FAM162A: variants seen among roughly 807,000 people sequenced by gnomAD.
FAM162A encodes protein FAM162A.
A neutral mutation model predicts 21.8 loss-of-function variants in FAM162A; 23 were observed. The observed-to-expected ratio is 1.05, with a 90% confidence interval of 0.76 to 1.49. The LOEUF (loss-of-function observed/expected upper bound fraction) is 1.49, where lower values mean the gene tolerates loss of function less well. Ranked by LOEUF, FAM162A falls within the 40% of genes most tolerant of loss-of-function variation. The pLI is 0.00. For synonymous variants in FAM162A, 53 were observed against 61.3 expected (o/e 0.86, Z 0.64); for missense variants, 165 against 186.4 (o/e 0.89, Z 0.67).
intron 1 of FAM162A, among the ~76,000 whole-genome samples, chr3:122,398,851 A>G (rs2075640804): frequency 6.6e-6 from 1 of 152,218 alleles, no homozygotes; most frequent in African/African-American, 2.4e-5. Context: ...GTATTTGTGG[A>G]TGAACTAATA....
Position 122,411,279 on chromosome 3 carries a change from A to ATGTC in FAM162A, c.*1454_*1457dup, listed in dbSNP as rs1258886337. The ATGTC allele has an allele frequency of 6.6e-6, 1 of 152,208 alleles. No individual in the cohort carries two copies. The highest frequency in any genetic ancestry group is 2.4e-5 in the African/African-American group (1 of 41,454). 9.4% of individuals were successfully genotyped at this position (152,208 alleles called of 1,614,324 possible). A position where few individuals can be genotyped will look rare whatever the true frequency, so the allele number is the denominator to read the frequency against. On this transcript the variant is annotated 3_prime_UTR_variant, in exon 5 of 5. Coordinates refer to ENST00000477892, the MANE Select transcript of FAM162A (RefSeq NM_014367.4). Reference sequence around the variant, plus strand: ...GATAATCTATCTGAGGATGTTTATGATGTCTGTCTATATACTTTAATTTGG... The same window carrying ATGTC: ...GATAATCTATCTGAGGATGTTTATGATGTCTGTCTGTCTATATACTTTAATTTGG...
chr3:122,396,715 A>C (rs2075629386), intron 1 of FAM162A, among the ~76,000 whole-genome samples: 1 of 152,230 alleles, frequency 6.6e-6, no homozygotes, highest in Non-Finnish European at 1.5e-5. Context: ...ATAGCCAAAA[A>C]GTGGAAACCA....
At position 122,412,281 on chromosome 3, in the gene FAM162A, C is replaced by T. The variant is rs573231120; in HGVS notation, c.*2450C>T. 6.6e-6 allele frequency: 1 copy of T among 152,270 alleles called. No individual in the cohort carries two copies. Among genetic ancestry groups the T allele is most frequent in the East Asian group, 1.9e-4 (1 of 5,188 alleles). 9.4% of individuals were successfully genotyped at this position (152,270 alleles called of 1,614,324 possible). A position where few individuals can be genotyped will look rare whatever the true frequency, so the allele number is the denominator to read the frequency against. On this transcript the variant is annotated 3_prime_UTR_variant, in exon 5 of 5. Coordinates refer to ENST00000477892, the MANE Select transcript of FAM162A (RefSeq NM_014367.4). ...TAAAGTGGGCAGAAATCTTTTTCTA[C>T]TTTACATTTCCTGTAAGTGCTGTTT...
intron 1 of FAM162A, among the ~76,000 whole-genome samples, chr3:122,395,032 A>T (rs1367840852): frequency 6.6e-6 from 1 of 152,242 alleles, no homozygotes; most frequent in African/African-American, 2.4e-5. Flanking sequence ...TAACCACATC[A>T]GTAAACACAG....
chr3:122,396,881 G>A (rs1259607655), intron 1 of FAM162A, among the ~76,000 whole-genome samples: 1 of 152,136 alleles, frequency 6.6e-6, no homozygotes, highest in Non-Finnish European at 1.5e-5. Flanking sequence ...GCCACATGTT[G>A]TATGATTCCA....
Position 122,410,870 on chromosome 3 carries a change from G to C in FAM162A, c.*1039G>C, listed in dbSNP as rs925985493. 6.6e-6 allele frequency: 1 copy of C among 152,094 alleles called. No homozygotes were observed. The highest frequency in any genetic ancestry group is 1.5e-5 in the Non-Finnish European group (1 of 68,012). The allele number at this position is 152,094 out of a possible 1,614,324, so 9.4% of individuals were successfully genotyped here. A position where few individuals can be genotyped will look rare whatever the true frequency, so the allele number is the denominator to read the frequency against. ...GGGATGTGAATCATCCCTCTCTCTG[G>C]TGTATTCACACTGTATGTGCTAGCC... On this transcript the variant is annotated 3_prime_UTR_variant, in exon 5 of 5. Transcript: ENST00000477892.
intron 1 of FAM162A, among the ~76,000 whole-genome samples, chr3:122,389,380 T>TA (rs2075588769): frequency 8.4e-6 from 1 of 118,818 alleles, no homozygotes; most frequent in Non-Finnish European, 1.7e-5. Flanking sequence ...GTAGTATAGA[T>TA]GGATAGATAG....
At position 122,402,778 on chromosome 3, in the gene FAM162A, G is replaced by A. The variant is rs1560001658; in HGVS notation, c.53G>A (p.Cys18Tyr). Residue 18 changes from cysteine to tyrosine, a missense_variant, in exon 2 of 5, where the codon TGT (cysteine) becomes TAT (tyrosine). Transcript: ENST00000477892. ...RLAAGSCFRL[C>Y]ERDVSSSLRL... ...TTTTTAGGAAGCTGTTTTAGGTTATGTGAAAGAGATGTTTCCTCATCTCTA... is the reference window on the plus strand; with the variant it reads ...TTTTTAGGAAGCTGTTTTAGGTTATATGAAAGAGATGTTTCCTCATCTCTA... 6.4e-7 allele frequency: 1 copy of A among 1,561,606 alleles called. No homozygotes were observed. Among genetic ancestry groups the A allele is most frequent in the South Asian group, 1.3e-5 (1 of 79,404 alleles).
At position 122,412,120 on chromosome 3, in the gene FAM162A, CTGAA is replaced by C. The variant is rs1392360956; in HGVS notation, c.*2293_*2296del. The C allele has an allele frequency of 1.3e-5, 2 of 152,192 alleles. No homozygotes were observed. The highest frequency in any genetic ancestry group is 2.9e-5 in the Non-Finnish European group (2 of 68,046). The allele number at this position is 152,192 out of a possible 1,614,324, so 9.4% of individuals were successfully genotyped here. ...CCTCAGATTTATCAAGCAAACGAAA[CTGAA>C]TGAGCACTACTATAAGGTACCACAA... On this transcript the variant is annotated 3_prime_UTR_variant, in exon 5 of 5. Transcript: ENST00000477892.
chr3:122,394,558 T>C (rs1052565875), intron 1 of FAM162A, among the ~76,000 whole-genome samples: 7 of 152,066 alleles, frequency 4.6e-5, no homozygotes, highest in Admixed American at 1.3e-4. Flanking sequence ...GACACACTTT[T>C]AGAAAAAGAA....
intron 1 of FAM162A, among the ~76,000 whole-genome samples, chr3:122,398,719 C>CA (rs1002004136): frequency 6.6e-6 from 1 of 150,908 alleles, no homozygotes; most frequent in Non-Finnish European, 1.5e-5. Flanking sequence ...AAGCCAACTG[C>CA]AAAAAAAAAT....
chr3:122,409,339 A>G (rs533629403), intron 4 of FAM162A, among the ~76,000 whole-genome samples: 32 of 152,308 alleles, frequency 2.1e-4, no homozygotes, highest in Admixed American at 1.2e-3. Context: ...GAGTATGCAG[A>G]TAAGTTGGGG....
intron 1 of FAM162A, among the ~76,000 whole-genome samples, chr3:122,399,656 G>A (rs538620889): frequency 6.6e-6 from 1 of 152,286 alleles, no homozygotes; most frequent in African/African-American, 2.4e-5. Context: ...TAATGGCATT[G>A]CTGGGTCTAA....
chr3:122,388,252 T>G (rs1481115141), intron 1 of FAM162A, among the ~76,000 whole-genome samples: 6 of 152,278 alleles, frequency 3.9e-5, no homozygotes, highest in Admixed American at 3.9e-4. Context: ...AAAGACAAGT[T>G]TTTTAATGTT....
At chr3:122,397,391 A>T (rs1307721410) in intron 1 of FAM162A, among the ~76,000 whole-genome samples, 1 of 152,080 alleles carries the variant, frequency 6.6e-6, no homozygotes, top group Non-Finnish European at 1.5e-5. Context: ...CTTTTTATCT[A>T]TTAGCAAATT....
intron 1 of FAM162A, among the ~76,000 whole-genome samples, chr3:122,392,773 GT>G (rs1380032231): frequency 1.8e-4 from 27 of 152,240 alleles, no homozygotes; most frequent in African/African-American, 6.5e-4. Flanking sequence ...CTATTGAAGA[GT>G]TTCATAGACT....
rs2075707833 is a variant in FAM162A, at chr3:122,411,986, T to TAA, written c.*2157_*2158dup. ...ATATAGTGACTATCTCTTTATGGGT[T>TAA]AAATATCAGTTTCTTGGCCAGAATT... On this transcript the variant is annotated 3_prime_UTR_variant, in exon 5 of 5. Coordinates refer to ENST00000477892, the MANE Select transcript of FAM162A (RefSeq NM_014367.4). 6.6e-6 allele frequency: 1 copy of TAA among 152,230 alleles called. No individual in the cohort carries two copies. Among genetic ancestry groups the TAA allele is most frequent in the African/African-American group, 2.4e-5 (1 of 41,464 alleles). 9.4% of individuals were successfully genotyped at this position (152,230 alleles called of 1,614,324 possible).
At chr3:122,401,268 TTATAA>T (rs1307235259) in intron 1 of FAM162A, 2 of 410,376 alleles carry the variant, frequency 4.9e-6, no homozygotes, top group Non-Finnish European at 6.6e-6. Context: ...AAAGAATGAC[TTATAA>T]TATTCACCTG....
rs181462231 is a variant in FAM162A at position 122,411,554 on chromosome 3, T to C, written c.*1723T>C. On this transcript the variant is annotated 3_prime_UTR_variant, in exon 5 of 5. Coordinates refer to ENST00000477892, the MANE Select transcript of FAM162A (RefSeq NM_014367.4). ...GTAACATTTATGAGCTTAAATTTAA[T>C]GAAACCTTTTTTTTTTTTTTGAGAC... 3 of 150,462 alleles carry C rather than the reference T, an allele frequency of 2.0e-5. No individual in the cohort carries two copies. In the East Asian group the frequency reaches 6.2e-4, roughly 31 times the overall value. 9.3% of individuals were successfully genotyped at this position (150,462 alleles called of 1,614,324 possible). A position where few individuals can be genotyped will look rare whatever the true frequency, so the allele number is the denominator to read the frequency against.
Sources: gnomAD v4.1 joint callset for allele counts (sites outside exome capture counted in the v4.1 genomes callset) on GRCh38, gnomAD v4.1.1 for gene constraint, MANE v1.5 for transcripts, NCBI Gene and HGNC (gene_info 2026-07-23, HGNC 2026-07-21) for gene names.